The following PXDNL variants were observed in gnomAD, a reference collection of about 807,000 sequenced individuals.
The protein encoded by PXDNL is peroxidasin like.
PXDNL carries 145 observed loss-of-function variants against 150.8 expected under a neutral mutation model. That is an observed-to-expected ratio of 0.96 (90% CI 0.84 to 1.10). The LOEUF is 1.10. Among genes scored for constraint, PXDNL ranks in the 50% least tolerant of loss-of-function variants. The pLI is 0.00. For missense variants in PXDNL, 2,087 were observed against 1,873.9 expected (o/e 1.11, Z -2.10); for synonymous variants, 757 against 725.7 (o/e 1.04, Z -0.69).
In PXDNL at chr8:51,319,673, T is replaced by A. The variant is rs555206034; in HGVS notation, c.*218A>T. 170 of 320,180 alleles carry A rather than the reference T, an allele frequency of 5.3e-4. No homozygotes were observed. The highest frequency in any genetic ancestry group is 8.3e-4 in the Non-Finnish European group (148 of 178,708). The allele number at this position is 320,180 out of a possible 1,614,324, so 19.8% of individuals were successfully genotyped here. A position where few individuals can be genotyped will look rare whatever the true frequency, so the allele number is the denominator to read the frequency against. On this transcript the variant is annotated 3_prime_UTR_variant, in exon 23 of 23. Coordinates refer to ENST00000356297, the MANE Select transcript of PXDNL (RefSeq NM_144651.5). ...GAAATATTTCTTATGATCAAACACT[T>A]CATATGCACTTTATTGCTTTTAGTT...
chr8:51,595,317 G>T lies in PXDNL; in HGVS notation c.237-2619C>A, dbSNP rs143254164. On this transcript the variant is annotated intron_variant, in intron 2 of 22. Coordinates refer to ENST00000356297, the MANE Select transcript of PXDNL (RefSeq NM_144651.5). ...AATATTTTATTAAAAACCAATAAAT[G>T]ACTGCTAGAAAAGATTAAGGCTATT... 9.8e-4 allele frequency among the ~76,000 whole-genome samples: 149 copies of T among 152,048 alleles called. 2 individuals are homozygous for T. The highest frequency in any genetic ancestry group is 3.5e-3 in the African/African-American group (144 of 41,472).
In PXDNL at chr8:51,472,212, G is replaced by C. The variant is rs751108260; in HGVS notation, c.787C>G (p.Pro263Ala). ...TTGTTGTGTATCCAAATAATCTCAG[G>C]TTTGGGGTTTCCTTCCGCCCGGCAG... ...FTCRAEGNPKPEIIWIHNNHS... is the reference protein window; with the variant it reads ...FTCRAEGNPKAEIIWIHNNHS... Residue 263 changes from proline (P) to alanine (A), a missense_variant, in exon 8 of 23, where the codon CCT (proline) becomes GCT (alanine). Pro to Ala is a conservative substitution (Grantham distance 27). Transcript: ENST00000356297. 9 of 1,612,692 alleles carry C rather than the reference G, an allele frequency of 5.6e-6. No homozygotes were observed. The African/African-American group carries it at 1.2e-4, about 22-fold the overall frequency.
At position 51,475,016 on chromosome 8, in the gene PXDNL, T is replaced by C. The variant is rs771004095; in HGVS notation, c.650A>G (p.His217Arg). The C allele has an allele frequency of 6.2e-7, 1 of 1,610,826 alleles. No homozygotes were observed. The highest frequency in any genetic ancestry group is 2.2e-5 in the East Asian group (1 of 44,822). Reference protein sequence around the residue: ...AATCEYPRRLHGRAVASVTVE... With the variant: ...AATCEYPRRLRGRAVASVTVE... ...TGTTACTGAAGCAACTGCACGCCCATGGAGTCTCCTGGGATATTCGCAGGT... is the reference window on the plus strand; with the variant it reads ...TGTTACTGAAGCAACTGCACGCCCACGGAGTCTCCTGGGATATTCGCAGGT... The change falls in exon 7 of 23, where the codon CAT becomes CGT. Residue 217 changes from histidine to arginine, a missense_variant. His to Arg is a conservative substitution (Grantham distance 29, BLOSUM62 0). Transcript: ENST00000356297.
chr8:51,381,410 A>T (rs962308968), intron 17 of PXDNL, among the ~76,000 whole-genome samples: 1 of 152,168 alleles, frequency 6.6e-6, no homozygotes, highest in Non-Finnish European at 1.5e-5. Context: ...CCAACCTCCA[A>T]AATAAGTAAA....
At chr8:51,637,822 C>T (rs1215066897) in intron 2 of PXDNL, among the ~76,000 whole-genome samples, 2 of 152,064 alleles carry the variant, frequency 1.3e-5, no homozygotes, top group Non-Finnish European at 1.5e-5. Flanking sequence ...CAAGGCAGGC[C>T]AACATTCAAA....
intron 4 of PXDNL, among the ~76,000 whole-genome samples, chr8:51,543,784 G>A (rs1812282379): frequency 6.6e-6 from 1 of 151,392 alleles, no homozygotes; most frequent in Admixed American, 6.6e-5. Context: ...TCTAGTTCAA[G>A]GGTCATATGA....
chr8:51,615,929 G>C (rs546562666), intron 2 of PXDNL, among the ~76,000 whole-genome samples: 1 of 152,284 alleles, frequency 6.6e-6, no homozygotes, highest in Admixed American at 6.5e-5. Flanking sequence ...TGAACATGGT[G>C]CCTCTATGAG....
chr8:51,479,424 T>A (rs1008118076), intron 6 of PXDNL, among the ~76,000 whole-genome samples: 3 of 152,168 alleles, frequency 2.0e-5, no homozygotes, highest in African/African-American at 7.2e-5. Flanking sequence ...AAATGGAACA[T>A]CCTATGACCC....
intron 2 of PXDNL, among the ~76,000 whole-genome samples, chr8:51,642,403 A>G (rs551556982): frequency 6.6e-6 from 1 of 152,288 alleles, no homozygotes; most frequent in African/African-American, 2.4e-5. Flanking sequence ...AAATCAATAA[A>G]CATAATCCAG....
Position 51,457,549 on chromosome 8 carries a change from C to T in PXDNL, c.931G>A (p.Ala311Thr), listed in dbSNP as rs201353036. 87 of 1,613,504 alleles carry T rather than the reference C, an allele frequency of 5.4e-5. No individual in the cohort carries two copies. In the East Asian group the frequency reaches 5.8e-4, roughly 11 times the overall value. The change falls in exon 9 of 23, where the codon GCT becomes ACT. Residue 311 changes from alanine to threonine, a missense_variant. Physicochemically the swap from Ala to Thr is moderately conservative, Grantham distance 58 (BLOSUM62 0). Transcript: ENST00000356297. ...GCACTCTGTGTCTTGGCTTCCCCAG[C>T]GGAATTTCTGGCCATGCACTGATAG... Reference protein sequence around the residue: ...GVYQCMARNSAGEAKTQSAML... With the variant: ...GVYQCMARNSTGEAKTQSAML...
intron 19 of PXDNL, 112 bp downstream of exon 19, chr8:51,371,761 G>T: frequency 3.0e-6 from 3 of 991,798 alleles, no homozygotes; most frequent in African/African-American, 1.6e-5. Context: ...GTTCTGTGTT[G>T]TTGGCTTTTT....
At chr8:51,629,828 TC>T (rs1466937742) in intron 2 of PXDNL, among the ~76,000 whole-genome samples, 2 of 152,066 alleles carry the variant, frequency 1.3e-5, no homozygotes, top group African/African-American at 2.4e-5. Context: ...AGCAAATGTA[TC>T]CCTCGAAAAT....
chr8:51,734,737 G>T (rs1450650655), intron 1 of PXDNL, among the ~76,000 whole-genome samples: 2 of 152,112 alleles, frequency 1.3e-5, no homozygotes, highest in Non-Finnish European at 2.9e-5. Context: ...AACCTCCAAG[G>T]AAAATTAAAA....
Position 51,431,317 on chromosome 8 carries a change from T to C in PXDNL, c.1526-4559A>G, listed in dbSNP as rs539267472. Among the ~76,000 whole-genome samples the C allele has an allele frequency of 2.0e-5, 3 of 152,292 alleles. No individual in the cohort carries two copies. In the East Asian group the frequency reaches 5.8e-4, roughly 29 times the overall value. ...CTGCATGACCCAGCCCCATCTCCAC[T>C]GCTGTCTCTTTACTGTTTCCCTCTT... On this transcript the variant is annotated intron_variant, in intron 12 of 22. Coordinates refer to ENST00000356297, the MANE Select transcript of PXDNL (RefSeq NM_144651.5).
intron 2 of PXDNL, among the ~76,000 whole-genome samples, chr8:51,608,364 C>G (rs1401732852): frequency 4.2e-5 from 5 of 118,252 alleles, no homozygotes; most frequent in South Asian, 2.6e-4. Context: ...ACTCCAGCCT[C>G]AGCGACAGGG....
chr8:51,603,421 T>C (rs925675931), intron 2 of PXDNL, among the ~76,000 whole-genome samples: 1 of 152,036 alleles, frequency 6.6e-6, no homozygotes, highest in South Asian at 2.1e-4. Flanking sequence ...AGTAGTCACC[T>C]TGTGTGTGCT....
chr8:51,652,306 T>C (rs1441676673), intron 2 of PXDNL, among the ~76,000 whole-genome samples: 3 of 152,138 alleles, frequency 2.0e-5, no homozygotes, highest in African/African-American at 7.2e-5. Context: ...TTCACTTAAC[T>C]GGACTAACAA....
intron 2 of PXDNL, among the ~76,000 whole-genome samples, chr8:51,635,440 T>C (rs1814585973): frequency 6.6e-6 from 1 of 151,898 alleles, no homozygotes; most frequent in Admixed American, 6.6e-5. Flanking sequence ...AAACCAAAAG[T>C]TGGTTCTTTG....
intron 14 of PXDNL, among the ~76,000 whole-genome samples, chr8:51,422,247 GTAA>G: frequency 6.6e-6 from 1 of 152,068 alleles, no homozygotes; most frequent in East Asian, 1.9e-4. Flanking sequence ...ATGTTACAAT[GTAA>G]TAATAATAGA....
Sources: gnomAD v4.1 joint callset for allele counts (sites outside exome capture counted in the v4.1 genomes callset) on GRCh38, gnomAD v4.1.1 for gene constraint, MANE v1.5 for transcripts, NCBI Gene and HGNC (gene_info 2026-07-23, HGNC 2026-07-21) for gene names.